ZC3H13: variants seen among roughly 807,000 people sequenced by gnomAD.
The protein encoded by ZC3H13 is zinc finger CCCH-type containing 13.
Under a neutral mutation model 204.1 loss-of-function variants are expected in ZC3H13, and 64 were observed. The ratio of observed to expected loss-of-function variants is 0.31; its 90% confidence interval spans 0.26 to 0.39. The LOEUF (loss-of-function observed/expected upper bound fraction) is 0.39. Ranked by LOEUF, ZC3H13 falls within the 10% of genes least tolerant of loss-of-function variation. The pLI is 1.00. For missense variants in ZC3H13, 1,833 were observed against 2,082.7 expected, an observed-to-expected ratio of 0.88 and a Z score of 2.33; for synonymous variants, 667 against 693.7, an observed-to-expected ratio of 0.96 and a Z score of 0.60.
At chr13:45,970,597 C>A in intron 12 of ZC3H13, 132 bp from the exon 13 acceptor site, 1 of 649,802 alleles carries the variant, frequency 1.5e-6, no homozygotes, top group South Asian at 2.2e-5. Flanking sequence ...CAGAGTGTAT[C>A]ATACAAAGGA....
At chr13:45,978,000 T>A (rs1412994377) in intron 11 of ZC3H13, among the ~76,000 whole-genome samples, 1 of 152,112 alleles carries the variant, frequency 6.6e-6, no homozygotes, top group Non-Finnish European at 1.5e-5. Context: ...CATAATTCCT[T>A]ACTACTCCAA....
Position 45,985,618 on chromosome 13 carries a change from G to A in ZC3H13, c.1399C>T (p.Arg467Ter). Residue 467 changes from arginine to a stop codon, truncating the protein, a stop_gained, in exon 10 of 19, where the codon CGA becomes TGA. Transcript: ENST00000679008. LOFTEE classifies it high-confidence loss of function. ...DRRDARDTRD[R>*]RELRDSRDMR... ...TCTCTGGAGTCTCTTAGTTCCCTTC[G>A]GTCCCTAGTATCTCTGGCATCTCTC... The A allele has an allele frequency of 6.2e-7, 1 of 1,613,464 alleles. No homozygotes were observed. The highest frequency in any genetic ancestry group is 8.5e-7 in the Non-Finnish European group (1 of 1,179,910).
At chr13:45,992,577 T>C (rs1256049852) in intron 8 of ZC3H13, among the ~76,000 whole-genome samples, 2 of 152,208 alleles carry the variant, frequency 1.3e-5, no homozygotes, top group Non-Finnish European at 2.9e-5. Flanking sequence ...CAAGGTCTCA[T>C]GGCCAAGGTC....
chr13:45,987,937 G>T (rs1350113749), intron 9 of ZC3H13, among the ~76,000 whole-genome samples: 3 of 152,144 alleles, frequency 2.0e-5, no homozygotes, highest in Non-Finnish European at 4.4e-5. Context: ...CTTGAATAGG[G>T]AGTAGCAAAT....
chr13:45,990,808 TG>T (rs1451436939), intron 8 of ZC3H13, among the ~76,000 whole-genome samples: 1 of 141,946 alleles, frequency 7.0e-6, no homozygotes, highest in Non-Finnish European at 1.5e-5. Flanking sequence ...AGTAAATTTT[TG>T]GGGGGATGGG....
rs1413203609 is a variant in ZC3H13 at position 45,958,648 on chromosome 13, G to GTTTCTT, written c.4839+834_4839+835insAAGAAA. On this transcript the variant is annotated intron_variant, in intron 18 of 18. Transcript: ENST00000679008. Reference sequence around the variant, plus strand: ...CTCACCACCCCAAATAAAAATCCCAGTTTTTTTTTTTTTTTTTTTTTTTTT... The same window carrying GTTTCTT: ...CTCACCACCCCAAATAAAAATCCCAGTTTCTTTTTTTTTTTTTTTTTTTTTTTTTTT... Among the ~76,000 whole-genome samples, 10 of 123,674 alleles carry GTTTCTT rather than the reference G, an allele frequency of 8.1e-5. 1 individual carries two copies. The highest frequency in any genetic ancestry group is 2.7e-4 in the African/African-American group (9 of 32,932). 81.1% of individuals were successfully genotyped at this position (123,674 alleles called of 152,430 possible).
At chr13:45,979,261 G>C (rs566956863) in intron 11 of ZC3H13, among the ~76,000 whole-genome samples, 1 of 152,144 alleles carries the variant, frequency 6.6e-6, no homozygotes, top group African/African-American at 2.4e-5. Context: ...CCTGATAGAT[G>C]AACAGAAAAA....
In ZC3H13 at chr13:45,971,467, A is replaced by G. The variant is rs151017891; in HGVS notation, c.2469-1002T>C. The stretch of plus-strand genomic sequence containing the variant: ...GTGGGAAAATTGGCAAGTCACATGT[A>G]AAAGAATGAAACCGGATCCCTCTCA... On this transcript the variant is annotated intron_variant, in intron 12 of 18. Coordinates refer to ENST00000679008, the MANE Select transcript of ZC3H13 (RefSeq NM_001330564.2). Among the ~76,000 whole-genome samples the G allele has an allele frequency of 6.2e-3, 941 of 152,326 alleles. 11 individuals carry two copies. The highest frequency in any genetic ancestry group is 0.011 in the Non-Finnish European group (724 of 68,016).
At chr13:45,998,810 G>T (rs1002118658) in intron 8 of ZC3H13, among the ~76,000 whole-genome samples, 13 of 152,142 alleles carry the variant, frequency 8.5e-5, no homozygotes, top group Non-Finnish European at 1.3e-4. Context: ...GGTTGCAAAA[G>T]GCTGGGGAGG....
chr13:46,052,350 C>A, intron 1 of ZC3H13, 54 bp downstream of exon 1: 1 of 393,298 alleles, frequency 2.5e-6, no homozygotes, highest in Non-Finnish European at 4.5e-6. Flanking sequence ...CTCCGCATTA[C>A]GGGTCCGCTC....
intron 12 of ZC3H13, among the ~76,000 whole-genome samples, chr13:45,972,359 A>G (rs147074963): frequency 1.0e-3 from 156 of 152,228 alleles, no homozygotes; most frequent in African/African-American, 3.6e-3. Flanking sequence ...TTTTGCAGCA[A>G]CTTGTTCTCA....
chr13:46,046,583 G>A (rs2043979769), intron 1 of ZC3H13, among the ~76,000 whole-genome samples: 3 of 151,248 alleles, frequency 2.0e-5, no homozygotes, highest in Admixed American at 2.0e-4. Context: ...CAGGAGAATA[G>A]CATGAACCCA....
chr13:45,980,137 A>G (rs898834393), intron 10 of ZC3H13, 133 bp from the exon 11 acceptor site: 3 of 768,690 alleles, frequency 3.9e-6, no homozygotes, highest in Non-Finnish European at 3.7e-6. Context: ...TCACTCCTGA[A>G]AAGAGTATCA....
At chr13:45,994,167 TTTC>T (rs2040166878) in intron 8 of ZC3H13, among the ~76,000 whole-genome samples, 2 of 152,266 alleles carry the variant, frequency 1.3e-5, no homozygotes, top group Admixed American at 1.3e-4. Context: ...TCCTTATGAT[TTTC>T]TTAACATTTT....
chr13:45,983,415 T>TATATATATATATATATATATATATA (rs1212615990), intron 10 of ZC3H13, among the ~76,000 whole-genome samples: 2 of 10,984 alleles, frequency 1.8e-4, no homozygotes, highest in African/African-American at 5.8e-4. Flanking sequence ...ATATATATAT[T>TATATATATATATATATATATATATA]TTTTTTTTTT....
chr13:46,007,404 A>C (rs1223375685), intron 7 of ZC3H13, among the ~76,000 whole-genome samples: 2 of 152,208 alleles, frequency 1.3e-5, no homozygotes, highest in Non-Finnish European at 1.5e-5. Flanking sequence ...TTGAAAACCC[A>C]AGAAAGTGGA....
intron 11 of ZC3H13, chr13:45,976,141 C>T (rs1953029620): frequency 1.0e-6 from 1 of 981,936 alleles, no homozygotes; most frequent in East Asian, 1.1e-4. Flanking sequence ...TACCTCCAGC[C>T]CACTGCTCCA....
At chr13:46,049,192 C>T (rs2044227290) in intron 1 of ZC3H13, among the ~76,000 whole-genome samples, 1 of 150,636 alleles carries the variant, frequency 6.6e-6, no homozygotes, top group African/African-American at 2.4e-5. Flanking sequence ...TTTTCTCAGA[C>T]TCCAAGAGTA....
At chr13:45,989,959 T>A (rs1282002066) in intron 8 of ZC3H13, among the ~76,000 whole-genome samples, 3 of 152,236 alleles carry the variant, frequency 2.0e-5, no homozygotes, top group African/African-American at 7.2e-5. Flanking sequence ...AGCTAAAAGC[T>A]TATTCAAAAA....
Sources: gnomAD v4.1 joint callset for allele counts (sites outside exome capture counted in the v4.1 genomes callset) on GRCh38, gnomAD v4.1.1 for gene constraint, MANE v1.5 for transcripts, NCBI Gene and HGNC (gene_info 2026-07-23, HGNC 2026-07-21) for gene names.